The following CACNA2D4 variants were observed in gnomAD, a reference collection of about 807,000 sequenced individuals.
CACNA2D4 encodes voltage-dependent calcium channel subunit alpha-2/delta-4.
Under a neutral mutation model 163.8 loss-of-function variants are expected in CACNA2D4, and 157 were observed. The observed-to-expected ratio is 0.96, with a 90% confidence interval of 0.84 to 1.09. CACNA2D4 has a LOEUF of 1.09. Among genes scored for constraint, CACNA2D4 ranks in the 50% least tolerant of loss-of-function variants. CACNA2D4 has a pLI of 0.00. For missense variants in CACNA2D4, 1,410 were observed against 1,479.9 expected (o/e 0.95, Z 0.78); for synonymous variants, 598 against 586.9 (o/e 1.02, Z -0.27).
chr12:1,831,363 C>T, intron 26 of CACNA2D4: 1 of 1,614,030 alleles, frequency 6.2e-7, no homozygotes, highest in Non-Finnish European at 8.5e-7. Context: ...GCTCCTGGCT[C>T]TGCGCTCCCT....
At chr12:1,910,963 A>C (rs1242967853) in intron 3 of CACNA2D4, among the ~76,000 whole-genome samples, 2 of 152,052 alleles carry the variant, frequency 1.3e-5, no homozygotes, top group East Asian at 1.9e-4. Flanking sequence ...ACTTAATGCC[A>C]CTAAATTATA....
chr12:1,808,684 G>A (rs1284721762), intron 29 of CACNA2D4, among the ~76,000 whole-genome samples: 4 of 152,196 alleles, frequency 2.6e-5, no homozygotes, highest in African/African-American at 9.7e-5. Flanking sequence ...CCATGCTCCG[G>A]CCCTTGAAAG....
chr12:1,835,415 GAATT>G lies in CACNA2D4; in HGVS notation c.2551+5320_2551+5323del, dbSNP rs147240417. 296 of 151,996 alleles carry G rather than the reference GAATT, an allele frequency of 1.9e-3. 1 individual carries two copies. The highest frequency in any genetic ancestry group is 8.7e-3 in the East Asian group (45 of 5,178). 9.4% of individuals were successfully genotyped at this position (151,996 alleles called of 1,614,324 possible). A position where few individuals can be genotyped will look rare whatever the true frequency, so the allele number is the denominator to read the frequency against. Reference sequence around the variant, plus strand: ...ACCAGTGCGGTCACATGGATTGAAAGAATTAATACACACACACACACACACACAC... The same window carrying G: ...ACCAGTGCGGTCACATGGATTGAAAGAATACACACACACACACACACACAC... On this transcript the variant is annotated intron_variant, in intron 26 of 37. Coordinates refer to ENST00000382722, the MANE Select transcript of CACNA2D4 (RefSeq NM_172364.5).
intron 19 of CACNA2D4, 79 bp from the exon 20 acceptor site, chr12:1,858,723 C>T (rs1865457052): frequency 1.7e-6 from 2 of 1,146,972 alleles, no homozygotes; most frequent in Non-Finnish European, 1.2e-6. Context: ...CTTGCCCTTA[C>T]CAACACTAGG....
chr12:1,820,478 G>C lies in CACNA2D4; in HGVS notation c.2552-8755C>G, dbSNP rs1864049243. The C allele has an allele frequency of 6.6e-6, 1 of 152,288 alleles. No individual in the cohort carries two copies. Among genetic ancestry groups the C allele is most frequent in the Non-Finnish European group, 1.5e-5 (1 of 68,096 alleles). 9.4% of individuals were successfully genotyped at this position (152,288 alleles called of 1,614,324 possible). On this transcript the variant is annotated intron_variant, in intron 26 of 37. Transcript: ENST00000382722. This position sits in a 1 kb window ranked among gnomAD's most constrained non-coding sequence, Gnocchi z 6.0. ...AGATGCACCCCAGCTGTCACTCCCC[G>C]CTCCACTCTGGCTCGCTGCTCGCGC...
chr12:1,821,160 C>T (rs1489742382), intron 26 of CACNA2D4, among the ~76,000 whole-genome samples: 2 of 152,116 alleles, frequency 1.3e-5, no homozygotes, highest in African/African-American at 4.8e-5. Flanking sequence ...CTTGTGCTGT[C>T]GTTGTGCCCG....
chr12:1,813,360 A>C (rs2154445941), intron 26 of CACNA2D4, among the ~76,000 whole-genome samples: 1 of 152,168 alleles, frequency 6.6e-6, no homozygotes, highest in Admixed American at 6.5e-5. Context: ...TCCAGGCACT[A>C]TATTTAGGGA....
rs112103117 is a variant in CACNA2D4, at chr12:1,859,011, C to T, written c.1941-367G>A. Among the ~76,000 whole-genome samples, 1,349 of 152,274 alleles carry T rather than the reference C, an allele frequency of 8.9e-3. 16 individuals are homozygous for T. Among genetic ancestry groups the T allele is most frequent in the African/African-American group, 0.031 (1,274 of 41,554 alleles). ...ACAAACAGGAGCTCCTTTTCCTACC[C>T]GGTGAGTCCTGCTGTGCCTTCCTCT... On this transcript the variant is annotated intron_variant, in intron 19 of 37. Coordinates refer to ENST00000382722, the MANE Select transcript of CACNA2D4 (RefSeq NM_172364.5).
intron 6 of CACNA2D4, among the ~76,000 whole-genome samples, chr12:1,902,193 G>T (rs746470538): frequency 6.6e-6 from 1 of 151,720 alleles, no homozygotes; most frequent in Non-Finnish European, 1.5e-5. Flanking sequence ...AAAAAAACTG[G>T]GTATACAAGG....
chr12:1,889,955 T>G (rs568940851), intron 6 of CACNA2D4, among the ~76,000 whole-genome samples: 104 of 152,058 alleles, frequency 6.8e-4, no homozygotes, highest in Non-Finnish European at 1.3e-3. Flanking sequence ...AGAGAGAACA[T>G]TGGAATTCAA....
At chr12:1,877,509 A>C (rs1442563460) in intron 16 of CACNA2D4, among the ~76,000 whole-genome samples, 2 of 152,166 alleles carry the variant, frequency 1.3e-5, no homozygotes, top group Non-Finnish European at 2.9e-5. Flanking sequence ...ATAGTTAATC[A>C]TTGCCTTGCA....
At position 1,799,775 on chromosome 12, in the gene CACNA2D4, G is replaced by A. The variant is rs1863247502; in HGVS notation, c.2975-80C>T. On this transcript the variant is annotated intron_variant, in intron 33 of 37. Coordinates refer to ENST00000382722, the MANE Select transcript of CACNA2D4 (RefSeq NM_172364.5). The surrounding 1 kb of genome is among the most constrained non-coding windows in gnomAD (Gnocchi z 4.7). ...GCACATGAGGGCAGGATGTCATGGG[G>A]TGGTGATGATGGCACATGGAGTGGC... The A allele has an allele frequency of 2.0e-6, 3 of 1,514,212 alleles. No individual in the cohort carries two copies. The Admixed American group carries it at 5.9e-5, about 30-fold the overall frequency. 93.8% of individuals were successfully genotyped at this position (1,514,212 alleles called of 1,614,324 possible).
chr12:1,886,626 T>C (rs1000690517), intron 7 of CACNA2D4, among the ~76,000 whole-genome samples: 3 of 152,136 alleles, frequency 2.0e-5, no homozygotes, highest in Non-Finnish European at 2.9e-5. Context: ...TTGTTCCTTT[T>C]GATTTAGACC....
chr12:1,809,279 C>T (rs1282195223), intron 29 of CACNA2D4: 1 of 534,488 alleles, frequency 1.9e-6, no homozygotes, highest in Non-Finnish European at 3.3e-6. Flanking sequence ...TGGCCACGAC[C>T]TCTGCATCAG....
intron 6 of CACNA2D4, among the ~76,000 whole-genome samples, chr12:1,906,212 C>T (rs911051603): frequency 2.6e-5 from 4 of 152,124 alleles, no homozygotes; most frequent in African/African-American, 9.7e-5. Flanking sequence ...AACTATAAAA[C>T]TCCTGTTAGA....
chr12:1,910,951 G>A (rs1050551012), intron 3 of CACNA2D4, among the ~76,000 whole-genome samples: 2 of 151,528 alleles, frequency 1.3e-5, no homozygotes, highest in African/African-American at 4.9e-5. Context: ...CATTGTGGAT[G>A]TACTTAATGC....
intron 26 of CACNA2D4, chr12:1,831,179 G>T: frequency 1.2e-6 from 2 of 1,613,940 alleles, no homozygotes; most frequent in Non-Finnish European, 1.7e-6. Flanking sequence ...ACAACTTCCT[G>T]GACCGGCTGC....
Position 1,793,598 on chromosome 12 carries a change from T to C in CACNA2D4, c.*57A>G. 2.7e-6 allele frequency: 4 copies of C among 1,503,392 alleles called. No individual in the cohort carries two copies. Among genetic ancestry groups the C allele is most frequent in the Non-Finnish European group, 3.7e-6 (4 of 1,079,580 alleles). The allele number at this position is 1,503,392 out of a possible 1,614,324, so 93.1% of individuals were successfully genotyped here. On this transcript the variant is annotated 3_prime_UTR_variant, in exon 38 of 38. Transcript: ENST00000382722. ...GCTGCATCCCATGTCAGTGCTGACT[T>C]TTTGGGATGGCTCTGGAAGGATCAC...
chr12:1,797,276 G>A (rs1344626881), intron 35 of CACNA2D4, 142 bp downstream of exon 35: 2 of 666,180 alleles, frequency 3.0e-6, no homozygotes, highest in Non-Finnish European at 5.3e-6. Context: ...GACCCCGGGA[G>A]CGTGGGCTCT....
Sources: gnomAD v4.1 joint callset for allele counts (sites outside exome capture counted in the v4.1 genomes callset) on GRCh38, gnomAD v4.1.1 for gene constraint, Gnocchi (gnomAD v3.1) non-coding constraint, MANE v1.5 for transcripts, NCBI Gene and HGNC (gene_info 2026-07-23, HGNC 2026-07-21) for gene names.